RAPH1: variants seen among roughly 807,000 people sequenced by gnomAD.
The protein encoded by RAPH1 is Ras association (RalGDS/AF-6) and pleckstrin homology domains 1.
Under a neutral mutation model 88.1 loss-of-function variants are expected in RAPH1, and 18 were observed. That is an observed-to-expected ratio of 0.20 (90% CI 0.14 to 0.30). The LOEUF is 0.30. Ranked by LOEUF, RAPH1 falls within the 10% of genes least tolerant of loss-of-function variation. The pLI is 1.00. For synonymous variants in RAPH1, 587 were observed against 559.0 expected (o/e 1.05, Z -0.71); for missense variants, 1,448 against 1,543.2 (o/e 0.94, Z 1.03).
At chr2:203,494,039 A>T (rs1201621477) in intron 2 of RAPH1, among the ~76,000 whole-genome samples, 1 of 151,810 alleles carries the variant, frequency 6.6e-6, no homozygotes, top group Non-Finnish European at 1.5e-5. Context: ...TACAGTATTA[A>T]CAGATTATGG....
rs879131031 is a variant in RAPH1, at chr2:203,434,015, G to A, written c.*5422C>T. On this transcript the variant is annotated 3_prime_UTR_variant, in exon 14 of 14. Coordinates refer to ENST00000319170, the MANE Select transcript of RAPH1 (RefSeq NM_213589.3). ...AAACATCCTCAGAAAAACATCCTCAGTAGTACTGAATATATCTCTCTCATA... is the reference window on the plus strand; with the variant it reads ...AAACATCCTCAGAAAAACATCCTCAATAGTACTGAATATATCTCTCTCATA... The A allele has an allele frequency of 6.7e-6, 1 of 149,660 alleles. No individual in the cohort carries two copies. The highest frequency in any genetic ancestry group is 2.0e-4 in the East Asian group (1 of 4,932). The allele number at this position is 149,660 out of a possible 1,614,324, so 9.3% of individuals were successfully genotyped here.
chr2:203,506,877 TATAG>T (rs1553630595), intron 1 of RAPH1, among the ~76,000 whole-genome samples: 3 of 93,372 alleles, frequency 3.2e-5, no homozygotes, highest in African/African-American at 4.7e-5. Context: ...TATATATATA[TATAG>T]ATATATATAT....
chr2:203,455,475 C>A lies in RAPH1; in HGVS notation c.1264G>T (p.Ala422Ser). ...TTGGGAACATAGTAGATACCAGATGCTCGCAAGAGAAAATAACGCTTTTTC... is the reference window on the plus strand; with the variant it reads ...TTGGGAACATAGTAGATACCAGATGATCGCAAGAGAAAATAACGCTTTTTC... ...SWKKRYFLLR[A>S]SGIYYVPKGK... Residue 422 changes from alanine (A) to serine (S), a missense_variant, in exon 9 of 14, where the codon GCA becomes TCA. Physicochemically the swap from Ala to Ser is moderately conservative, Grantham distance 99 (BLOSUM62 1). Coordinates refer to ENST00000319170, the MANE Select transcript of RAPH1 (RefSeq NM_213589.3). The A allele has an allele frequency of 6.2e-7, 1 of 1,613,976 alleles. No homozygotes were observed. The highest frequency in any genetic ancestry group is 8.5e-7 in the Non-Finnish European group (1 of 1,179,948).
chr2:203,455,010 T>C (rs2098518101), intron 9 of RAPH1, among the ~76,000 whole-genome samples: 1 of 152,110 alleles, frequency 6.6e-6, no homozygotes, highest in South Asian at 2.1e-4. Context: ...GAGATAATAC[T>C]GTAAAAAAGT....
chr2:203,436,123 T>G lies in RAPH1; in HGVS notation c.*3314A>C, dbSNP rs1467111859. The stretch of plus-strand genomic sequence containing the variant: ...GTTTGTTTTCAGTGACAAGAAAACA[T>G]ACATGGAAAGGGGACCCAAGACAGT... On this transcript the variant is annotated 3_prime_UTR_variant, in exon 14 of 14. Coordinates refer to ENST00000319170, the MANE Select transcript of RAPH1 (RefSeq NM_213589.3). The G allele has an allele frequency of 1.3e-5, 2 of 152,198 alleles. No individual in the cohort carries two copies. The highest frequency in any genetic ancestry group is 2.9e-5 in the Non-Finnish European group (2 of 68,028). The allele number at this position is 152,198 out of a possible 1,614,324, so 9.4% of individuals were successfully genotyped here. A position where few individuals can be genotyped will look rare whatever the true frequency, so the allele number is the denominator to read the frequency against.
intron 2 of RAPH1, among the ~76,000 whole-genome samples, chr2:203,491,943 G>T (rs1581351948): frequency 1.3e-5 from 2 of 152,142 alleles, no homozygotes; most frequent in East Asian, 3.8e-4. Flanking sequence ...TATGGACATG[G>T]TAAGCTAAGA....
intron 1 of RAPH1, among the ~76,000 whole-genome samples, chr2:203,501,238 G>T (rs912519846): frequency 6.6e-6 from 1 of 152,164 alleles, no homozygotes; most frequent in African/African-American, 2.4e-5. Context: ...GCAGAGAAGG[G>T]AAAGGAAAGG....
In RAPH1 at chr2:203,437,926, T is replaced by A. The variant is rs1391399375; in HGVS notation, c.*1511A>T. 1 of 293,660 alleles carries A rather than the reference T, an allele frequency of 3.4e-6. No individual in the cohort carries two copies. The highest frequency in any genetic ancestry group is 2.2e-5 in the African/African-American group (1 of 44,540). The allele number at this position is 293,660 out of a possible 1,614,324, so 18.2% of individuals were successfully genotyped here. On this transcript the variant is annotated 3_prime_UTR_variant, in exon 14 of 14. Transcript: ENST00000319170. Reference sequence around the variant, plus strand: ...CATTTTTATTCTCTTGTTTAGGAGCTGCTCTGAGATTGTTTTATTCCTAAT... The same window carrying A: ...CATTTTTATTCTCTTGTTTAGGAGCAGCTCTGAGATTGTTTTATTCCTAAT...
rs369956713 is a variant in RAPH1 at position 203,439,866 on chromosome 2, T to G, written c.3324A>C (p.Pro1108=). 4 of 1,613,606 alleles carry G rather than the reference T, an allele frequency of 2.5e-6. No homozygotes were observed. The African/African-American group carries it at 5.3e-5, about 22-fold the overall frequency. Residue 1108 remains proline (P), a synonymous_variant, in exon 14 of 14, where the codon CCA becomes CCC. Transcript: ENST00000319170. The part of the protein sequence containing the change: ...SPKVAVVNPQ[P]QQWSKMSVKK... ...TCACTGACATTTTAGACCATTGTTGTGGTTGAGGATTAACGACTGCCACTT... is the reference window on the plus strand; with the variant it reads ...TCACTGACATTTTAGACCATTGTTGGGGTTGAGGATTAACGACTGCCACTT...
Position 203,439,119 on chromosome 2 carries a change from GACA to G in RAPH1, c.*315_*317del, listed in dbSNP as rs2098500812. ...TCCACATGATATAGAAATCTTAAGA[GACA>G]ACACACATCCCCTTCTATGCCTCTT... On this transcript the variant is annotated 3_prime_UTR_variant, in exon 14 of 14. Transcript: ENST00000319170. 2 of 259,180 alleles carry G rather than the reference GACA, an allele frequency of 7.7e-6. No homozygotes were observed. The highest frequency in any genetic ancestry group is 1.4e-4 in the East Asian group (2 of 14,138). The allele number at this position is 259,180 out of a possible 1,614,324, so 16.1% of individuals were successfully genotyped here. A position where few individuals can be genotyped will look rare whatever the true frequency, so the allele number is the denominator to read the frequency against.
intron 4 of RAPH1, among the ~76,000 whole-genome samples, chr2:203,488,228 A>G (rs1250288927): frequency 1.2e-4 from 18 of 152,150 alleles, no homozygotes; most frequent in Admixed American, 1.2e-3. Context: ...GCTGAAAAAA[A>G]TTCCATCTTT....
intron 4 of RAPH1, among the ~76,000 whole-genome samples, chr2:203,475,205 A>ATACC (rs2098536366): frequency 6.6e-6 from 1 of 152,196 alleles, no homozygotes; most frequent in African/African-American, 2.4e-5. Flanking sequence ...CAGGAGATCA[A>ATACC]TACCATCCTG....
rs988151812 is a variant in RAPH1 at position 203,437,375 on chromosome 2, T to C, written c.*2062A>G. On this transcript the variant is annotated 3_prime_UTR_variant, in exon 14 of 14. Coordinates refer to ENST00000319170, the MANE Select transcript of RAPH1 (RefSeq NM_213589.3). The stretch of plus-strand genomic sequence containing the variant: ...TCTTACTAACTCTAACCCACAAATA[T>C]GGGTGCCCCTCAAACTATAAAACTG... 7.2e-5 allele frequency: 11 copies of C among 152,166 alleles called. No homozygotes were observed. Among genetic ancestry groups the C allele is most frequent in the Non-Finnish European group, 8.8e-5 (6 of 68,024 alleles). The allele number at this position is 152,166 out of a possible 1,614,324, so 9.4% of individuals were successfully genotyped here. A position where few individuals can be genotyped will look rare whatever the true frequency, so the allele number is the denominator to read the frequency against.
At chr2:203,490,195 G>T in intron 3 of RAPH1, 106 bp from the exon 4 acceptor site, 1 of 1,136,548 alleles carries the variant, frequency 8.8e-7, no homozygotes. Context: ...TGGGCCTAAA[G>T]CAAATAAAAT....
chr2:203,505,404 G>A (rs1435704609), intron 1 of RAPH1, among the ~76,000 whole-genome samples: 2 of 151,376 alleles, frequency 1.3e-5, no homozygotes, highest in African/African-American at 4.9e-5. Context: ...ACTATCACAA[G>A]ACTAGCACAA....
intron 4 of RAPH1, among the ~76,000 whole-genome samples, chr2:203,477,319 C>A (rs191235464): frequency 6.6e-6 from 1 of 152,072 alleles, no homozygotes; most frequent in African/African-American, 2.4e-5. Context: ...TTCTCTTATA[C>A]GCAAAAATTA....
chr2:203,487,769 T>C (rs1688040450), intron 4 of RAPH1, among the ~76,000 whole-genome samples: 1 of 152,130 alleles, frequency 6.6e-6, no homozygotes. Context: ...ATTCTTCAGA[T>C]TGATAAGATT....
chr2:203,461,517 A>T, intron 5 of RAPH1, 109 bp from the exon 6 acceptor site: 1 of 812,604 alleles, frequency 1.2e-6, no homozygotes, highest in Non-Finnish European at 1.8e-6. Context: ...TATATAAATT[A>T]AAACACAAAT....
At chr2:203,449,849 C>A (rs1014043476) in intron 10 of RAPH1, among the ~76,000 whole-genome samples, 1 of 151,836 alleles carries the variant, frequency 6.6e-6, no homozygotes, top group South Asian at 2.1e-4. Context: ...ACGGTGAAAC[C>A]CCGTCTCTAT....
Sources: allele counts gnomAD v4.1 joint callset (sites outside exome capture counted in the v4.1 genomes callset), GRCh38; gene constraint gnomAD v4.1.1; transcripts MANE v1.5; gene names NCBI Gene and HGNC (gene_info 2026-07-23, HGNC 2026-07-21).